Variants in SPMIP2 observed in about 807,000 individuals in gnomAD.
SPMIP2 encodes the protein protein SPMIP2.
At chr4:159,066,589 T>TTATA in the SPMIP2 span, among the ~76,000 whole-genome samples, 10,393 of 75,390 alleles carry the variant, frequency 0.14, 533 homozygotes, top group South Asian at 0.21. Context: ...TGTGTGTATT[T>TTATA]TATATATATA....
the SPMIP2 span, among the ~76,000 whole-genome samples, chr4:159,060,336 T>G: frequency 6.6e-6 from 1 of 152,116 alleles, no homozygotes; most frequent in Non-Finnish European, 1.5e-5. Flanking sequence ...CCAAATGAGG[T>G]CATTGTACTT....
chr4:159,007,642 C>T, the SPMIP2 span: 2 of 814,380 alleles, frequency 2.5e-6, no homozygotes, highest in African/African-American at 1.7e-5. Context: ...GATGCTGTGG[C>T]CAAGGCCTCC....
chr4:159,053,298 T>C, the SPMIP2 span, among the ~76,000 whole-genome samples: 1 of 152,324 alleles, frequency 6.6e-6, no homozygotes, highest in African/African-American at 2.4e-5. Flanking sequence ...CAGTATCGAC[T>C]ACATGGCTGC....
the SPMIP2 span, among the ~76,000 whole-genome samples, chr4:158,976,247 A>G: frequency 6.6e-6 from 1 of 152,164 alleles, no homozygotes; most frequent in African/African-American, 2.4e-5. Context: ...AGATAATTTG[A>G]CTTCCTCTCT....
chr4:158,989,878 A>C, the SPMIP2 span, among the ~76,000 whole-genome samples: 8 of 152,366 alleles, frequency 5.3e-5, no homozygotes, highest in Middle Eastern at 3.4e-3. Flanking sequence ...CAAAATTGAC[A>C]AATGGGATCT....
the SPMIP2 span, chr4:159,035,004 T>G: frequency 6.3e-7 from 1 of 1,578,004 alleles, no homozygotes; most frequent in South Asian, 1.1e-5. Flanking sequence ...TTAGATCTCC[T>G]TGTGAAAGCA....
At chr4:158,900,792 G>T in the SPMIP2 span, among the ~76,000 whole-genome samples, 2 of 152,108 alleles carry the variant, frequency 1.3e-5, no homozygotes, top group African/African-American at 2.4e-5. Context: ...TATCCAGTTT[G>T]CCAGTCTGTG....
chr4:158,994,251 G>A, the SPMIP2 span, among the ~76,000 whole-genome samples: 2 of 152,210 alleles, frequency 1.3e-5, no homozygotes, highest in African/African-American at 4.8e-5. Context: ...TGTTGAATAA[G>A]TAAGTGAATT....
At chr4:158,956,733 C>G in the SPMIP2 span, among the ~76,000 whole-genome samples, 11 of 152,238 alleles carry the variant, frequency 7.2e-5, no homozygotes, top group Non-Finnish European at 1.3e-4. Flanking sequence ...TGCTTTACTT[C>G]CCCATCATTA....
At chr4:158,920,019 C>G in the SPMIP2 span, among the ~76,000 whole-genome samples, 4 of 152,170 alleles carry the variant, frequency 2.6e-5, no homozygotes, top group Non-Finnish European at 5.9e-5. Context: ...TTAGCACCAT[C>G]CCCTGTTGCG....
At chr4:159,011,477 G>T in the SPMIP2 span, among the ~76,000 whole-genome samples, 1 of 152,126 alleles carries the variant, frequency 6.6e-6, no homozygotes, top group African/African-American at 2.4e-5. Flanking sequence ...CTGGCTGGAC[G>T]CGGTGGCTCA....
chr4:158,968,538 G>C, the SPMIP2 span, among the ~76,000 whole-genome samples: 1 of 152,110 alleles, frequency 6.6e-6, no homozygotes. Flanking sequence ...CTAATGTTCT[G>C]ATCTCATTGT....
the SPMIP2 span, among the ~76,000 whole-genome samples, chr4:158,908,337 T>C: frequency 6.6e-6 from 1 of 152,214 alleles, no homozygotes; most frequent in Non-Finnish European, 1.5e-5. Context: ...AATGTCCTGC[T>C]GGACATTTAT....
chr4:159,036,984 G>A, the SPMIP2 span, among the ~76,000 whole-genome samples: 1 of 152,206 alleles, frequency 6.6e-6, no homozygotes, highest in East Asian at 1.9e-4. Context: ...GAAGAGAGAA[G>A]CCTGCTCACT....
At chr4:158,955,552 T>C in the SPMIP2 span, among the ~76,000 whole-genome samples, 13 of 152,144 alleles carry the variant, frequency 8.5e-5, no homozygotes, top group Non-Finnish European at 1.9e-4. Context: ...ATCGCAGGCA[T>C]GCACAAAGAC....
At chr4:158,987,308 T>G in the SPMIP2 span, among the ~76,000 whole-genome samples, 1 of 152,174 alleles carries the variant, frequency 6.6e-6, no homozygotes, top group Non-Finnish European at 1.5e-5. Flanking sequence ...TTATAAACCA[T>G]GCTGCTATAA....
At chr4:159,052,952 A>ATTTT in the SPMIP2 span, among the ~76,000 whole-genome samples, 38 of 102,946 alleles carry the variant, frequency 3.7e-4, no homozygotes, top group African/African-American at 5.3e-4. Flanking sequence ...TATTATTATT[A>ATTTT]TTATTTTTTT....
the SPMIP2 span, among the ~76,000 whole-genome samples, chr4:159,014,455 A>G: frequency 5.1e-4 from 78 of 152,342 alleles, no homozygotes; most frequent in Admixed American, 8.5e-4. Flanking sequence ...TCTGTCTCAA[A>G]AAAAATTGCA....
At chr4:159,048,731 C>CTTTTTTTTTTTTT in the SPMIP2 span, among the ~76,000 whole-genome samples, 1 of 111,470 alleles carries the variant, frequency 9.0e-6, no homozygotes, top group Non-Finnish European at 1.8e-5. Flanking sequence ...TCCCCTTCCA[C>CTTTTTTTTTTTTT]TTTTTTTTTT....
Sources: allele counts gnomAD v4.1 joint callset (sites outside exome capture counted in the v4.1 genomes callset), GRCh38; gene constraint gnomAD v4.1.1; transcripts MANE v1.5; gene names NCBI Gene and HGNC (gene_info 2026-07-23, HGNC 2026-07-21).